JMJD1C: variants seen among roughly 807,000 people sequenced by gnomAD.
The protein encoded by JMJD1C is jumonji domain-containing protein 1C.
A neutral mutation model predicts 245.3 loss-of-function variants in JMJD1C; 31 were observed. The ratio of observed to expected loss-of-function variants is 0.13; its 90% CI spans 0.09 to 0.17. JMJD1C has a LOEUF of 0.17. JMJD1C is among the 10% of genes least tolerant of loss of function. The pLI, the probability that JMJD1C is intolerant of heterozygous loss-of-function variation, is 1.00. For missense variants in JMJD1C, 2,691 were observed against 3,000.2 expected (o/e 0.90, Z 2.41); for synonymous variants, 1,057 against 1,017.4 (o/e 1.04, Z -0.74).
At chr10:63,175,757 T>C (rs1303588388) in intron 24 of JMJD1C, among the ~76,000 whole-genome samples, 3 of 152,212 alleles carry the variant, frequency 2.0e-5, no homozygotes, top group Non-Finnish European at 4.4e-5. Context: ...TGTGTACTTT[T>C]AATCCCACCC....
intron 2 of JMJD1C, among the ~76,000 whole-genome samples, chr10:63,338,556 AG>A (rs756969840): frequency 4.6e-5 from 7 of 152,094 alleles, no homozygotes; most frequent in Non-Finnish European, 1.0e-4. Context: ...ATTTCAAGGA[AG>A]CTTAAGGGCT....
chr10:63,185,479 A>C, intron 20 of JMJD1C, 84 bp downstream of exon 20: 1 of 794,132 alleles, frequency 1.3e-6, no homozygotes. Context: ...CCTACAGGTC[A>C]CATTTACGGT....
chr10:63,290,219 A>C (rs1858484545), intron 2 of JMJD1C, among the ~76,000 whole-genome samples: 1 of 152,314 alleles, frequency 6.6e-6, no homozygotes, highest in East Asian at 1.9e-4. Context: ...CATATATTAG[A>C]CTTCTAGGGA....
At chr10:63,172,138 G>A (rs1842427315) in intron 24 of JMJD1C, among the ~76,000 whole-genome samples, 1 of 152,212 alleles carries the variant, frequency 6.6e-6, no homozygotes, top group South Asian at 2.1e-4. Context: ...CAGCAATTTA[G>A]TGGCAGAGCT....
chr10:63,381,771 G>A (rs1017553852), intron 1 of JMJD1C, among the ~76,000 whole-genome samples: 1 of 152,096 alleles, frequency 6.6e-6, no homozygotes, highest in Non-Finnish European at 1.5e-5. Flanking sequence ...CCTTAGTTAT[G>A]ACAGGGAGAT....
intron 10 of JMJD1C, among the ~76,000 whole-genome samples, chr10:63,201,114 T>C (rs1231961838): frequency 6.6e-6 from 1 of 152,224 alleles, no homozygotes; most frequent in African/African-American, 2.4e-5. Flanking sequence ...TTTATATAGT[T>C]AGAAACTACA....
chr10:63,450,467 T>TA (rs926331369), intron 1 of JMJD1C, among the ~76,000 whole-genome samples: 2 of 151,134 alleles, frequency 1.3e-5, no homozygotes, highest in South Asian at 2.1e-4. Flanking sequence ...AAAGAGAAAT[T>TA]AAAAAAAAAT....
chr10:63,382,360 CATTA>C (rs1451560083), intron 1 of JMJD1C, among the ~76,000 whole-genome samples: 2 of 152,164 alleles, frequency 1.3e-5, no homozygotes, highest in African/African-American at 2.4e-5. Flanking sequence ...GCTAATAAAA[CATTA>C]CTTACAAAGG....
At chr10:63,439,631 C>A (rs1951249773) in intron 1 of JMJD1C, among the ~76,000 whole-genome samples, 1 of 152,108 alleles carries the variant, frequency 6.6e-6, no homozygotes, top group Non-Finnish European at 1.5e-5. Context: ...GGCCTTATTT[C>A]TATTTTATCA....
chr10:63,295,950 T>TATATATATAC (rs1554877081), intron 2 of JMJD1C, among the ~76,000 whole-genome samples: 34 of 127,374 alleles, frequency 2.7e-4, no homozygotes, highest in South Asian at 7.6e-4. Flanking sequence ...TATATATATA[T>TATATATATAC]ACACGTATAT....
intron 1 of JMJD1C, among the ~76,000 whole-genome samples, chr10:63,454,619 C>T (rs1365692057): frequency 3.9e-5 from 6 of 152,092 alleles, no homozygotes; most frequent in African/African-American, 1.4e-4. Flanking sequence ...TTAGTAGAGA[C>T]AGGGTTTCAC....
chr10:63,471,469 C>T (rs572207091), intron 1 of JMJD1C, among the ~76,000 whole-genome samples: 82 of 152,274 alleles, frequency 5.4e-4, no homozygotes, highest in African/African-American at 1.9e-3. Context: ...TTTCCTGTCA[C>T]GTGGTAGGTT....
chr10:63,278,963 T>C (rs1203299436), intron 2 of JMJD1C, among the ~76,000 whole-genome samples: 6 of 152,028 alleles, frequency 3.9e-5, no homozygotes. Context: ...AATGACAGAA[T>C]GGCTGGCTAC....
chr10:63,285,496 G>C (rs772783325), intron 2 of JMJD1C, among the ~76,000 whole-genome samples: 7 of 152,138 alleles, frequency 4.6e-5, no homozygotes, highest in Non-Finnish European at 8.8e-5. Flanking sequence ...TCTGACTCTT[G>C]TCTCCTTCCT....
chr10:63,394,887 A>C (rs929957156), intron 1 of JMJD1C, among the ~76,000 whole-genome samples: 18 of 152,014 alleles, frequency 1.2e-4, no homozygotes, highest in Admixed American at 2.0e-4. Flanking sequence ...AAAATTGGAA[A>C]CGTTTTACTC....
chr10:63,300,316 A>G (rs1859928018), intron 2 of JMJD1C, among the ~76,000 whole-genome samples: 1 of 152,164 alleles, frequency 6.6e-6, no homozygotes, highest in South Asian at 2.1e-4. Flanking sequence ...AAAGCACAAT[A>G]AGATTAGAGA....
chr10:63,202,439 T>C lies in JMJD1C; in HGVS notation c.5075-1762A>G, dbSNP rs141746772. ...TTCCTACCCTTGTGTTTTCTAATCATGCCCAATGTGTGGATCAGAGGTACA... is the reference window on the plus strand; with the variant it reads ...TTCCTACCCTTGTGTTTTCTAATCACGCCCAATGTGTGGATCAGAGGTACA... On this transcript the variant is annotated intron_variant, in intron 10 of 25. Coordinates refer to ENST00000399262, the MANE Select transcript of JMJD1C (RefSeq NM_032776.3). 7.0e-4 allele frequency: 691 copies of C among 985,462 alleles called. 3 individuals carry two copies. The African/African-American group carries it at 0.012, about 17-fold the overall frequency. 61.0% of individuals were successfully genotyped at this position (985,462 alleles called of 1,614,324 possible).
intron 3 of JMJD1C, among the ~76,000 whole-genome samples, chr10:63,236,453 A>G (rs1353234155): frequency 1.3e-5 from 2 of 152,216 alleles, no homozygotes; most frequent in Admixed American, 6.5e-5. Flanking sequence ...GATACTTTTA[A>G]TAATAGTTTT....
chr10:63,370,820 T>C (rs1017663358), intron 2 of JMJD1C, among the ~76,000 whole-genome samples: 3 of 152,222 alleles, frequency 2.0e-5, no homozygotes, highest in Admixed American at 6.5e-5. Flanking sequence ...AAATAACTCA[T>C]TTGAAGAAGA....
Sources: gnomAD v4.1 joint callset for allele counts (sites outside exome capture counted in the v4.1 genomes callset) on GRCh38, gnomAD v4.1.1 for gene constraint, MANE v1.5 for transcripts, NCBI Gene and HGNC (gene_info 2026-07-23, HGNC 2026-07-21) for gene names.